The following RASSF5 variants were observed in gnomAD, a reference collection of about 807,000 sequenced individuals.
RASSF5 encodes Ras association domain family member 5.
In RASSF5, 25 loss-of-function variants were observed where a neutral mutation model predicts 40.5. The ratio of observed to expected loss-of-function variants is 0.62; its 90% CI spans 0.45 to 0.86. The LOEUF is 0.86. Among genes scored for constraint, RASSF5 ranks in the 40% least tolerant of loss-of-function variants. The probability of loss-of-function intolerance (pLI) is 0.00; values close to 1 mark genes in which losing one functional copy is unlikely to be tolerated. For missense variants in RASSF5, 521 were observed against 572.8 expected (o/e 0.91, Z 0.92); for synonymous variants, 246 against 252.4 (o/e 0.97, Z 0.24).
intron 1 of RASSF5, among the ~76,000 whole-genome samples, chr1:206,523,447 TATATA>T (rs1331405727): frequency 8.6e-6 from 1 of 116,842 alleles, no homozygotes; most frequent in African/African-American, 3.3e-5. Flanking sequence ...TTATATATAA[TATATA>T]ATATATTAAA....
intron 2 of RASSF5, among the ~76,000 whole-genome samples, chr1:206,555,266 G>C (rs1267283692): frequency 1.3e-5 from 2 of 152,140 alleles, no homozygotes; most frequent in South Asian, 4.1e-4. Context: ...CCTTGGCTTG[G>C]TGTTTGAATA....
chr1:206,570,945 G>A (rs1558517197), intron 2 of RASSF5, among the ~76,000 whole-genome samples: 1 of 152,116 alleles, frequency 6.6e-6, no homozygotes, highest in Non-Finnish European at 1.5e-5. Flanking sequence ...TCTTCTGGGT[G>A]TATACCCAGA....
rs1173318254 is a variant in RASSF5, at chr1:206,589,186, G to C, written c.*2208G>C. On this transcript the variant is annotated 3_prime_UTR_variant, in exon 6 of 6. Coordinates refer to ENST00000579436, the MANE Select transcript of RASSF5 (RefSeq NM_182663.4). ...CTTCTTTGGTTGTGTTGCTCAGTGT[G>C]TAAGTGTTTGTTTCCAGGATATTTT... The C allele has an allele frequency of 1.3e-5, 2 of 152,678 alleles. No homozygotes were observed. Among genetic ancestry groups the C allele is most frequent in the Non-Finnish European group, 2.9e-5 (2 of 68,016 alleles). 9.5% of individuals were successfully genotyped at this position (152,678 alleles called of 1,614,324 possible).
intron 2 of RASSF5, chr1:206,542,139 C>G (rs1553399445): frequency 6.6e-6 from 1 of 152,354 alleles, no homozygotes; most frequent in Admixed American, 6.5e-5. Context: ...AGAGTCCTAC[C>G]CCTTCCTCCT....
chr1:206,572,390 C>A (rs1668481366), intron 2 of RASSF5, among the ~76,000 whole-genome samples: 1 of 152,156 alleles, frequency 6.6e-6, no homozygotes, highest in South Asian at 2.1e-4. Flanking sequence ...AGAAAAACCT[C>A]CAGAATTGAG....
chr1:206,528,815 ATCACTTGAGGCCAGGAGT>A (rs1667161852), intron 1 of RASSF5: 2 of 380,540 alleles, frequency 5.3e-6, no homozygotes, highest in Non-Finnish European at 9.2e-6. Flanking sequence ...AGGCAGGGAG[ATCACTTGAGGCCAGGAGT>A]TTGAGACCAG....
chr1:206,571,910 GC>G (rs1202848085), intron 2 of RASSF5, among the ~76,000 whole-genome samples: 2 of 152,186 alleles, frequency 1.3e-5, no homozygotes, highest in Non-Finnish European at 2.9e-5. Flanking sequence ...AATTCCTGTG[GC>G]CATCTCAGAA....
At chr1:206,557,764 A>G (rs1668031409) in intron 2 of RASSF5, 1 of 1,540,278 alleles carries the variant, frequency 6.5e-7, no homozygotes, top group East Asian at 2.3e-5. Context: ...CTAGAAGGGA[A>G]ACCTTGCTCC....
intron 1 of RASSF5, among the ~76,000 whole-genome samples, chr1:206,530,502 T>A (rs1667210983): frequency 6.6e-6 from 1 of 152,228 alleles, no homozygotes; most frequent in Non-Finnish European, 1.5e-5. Context: ...AGTAAATACA[T>A]ACCCAGAATA....
Position 206,583,287 on chromosome 1 carries a change from G to A in RASSF5, c.598G>A (p.Glu200Lys). ...CTTCCAGAATGTCTGTAAACCTGTG[G>A]AGGAGACACAGCGCCCGCCCACACT... is the stretch of plus-strand genomic sequence containing the variant. Reference protein sequence around the residue: ...TFSQNVCKPVEETQRPPTLQE... With the variant: ...TFSQNVCKPVKETQRPPTLQE... Residue 200 changes from glutamate (E) to lysine (K), a missense_variant, in exon 3 of 6, where the codon GAG becomes AAG. Physicochemically the swap from Glu to Lys is moderately conservative, Grantham distance 56. Coordinates refer to ENST00000579436, the MANE Select transcript of RASSF5 (RefSeq NM_182663.4). 1 of 1,613,218 alleles carries A rather than the reference G, an allele frequency of 6.2e-7. No individual in the cohort carries two copies. Among genetic ancestry groups the A allele is most frequent in the South Asian group, 1.1e-5 (1 of 91,068 alleles).
intron 2 of RASSF5, 117 bp from the exon 3 acceptor site, chr1:206,583,152 C>A: frequency 1.4e-6 from 1 of 696,828 alleles, no homozygotes; most frequent in South Asian, 1.5e-5. Context: ...GTTAGTTCCA[C>A]TCTGCAGGGC....
At position 206,507,912 on chromosome 1, in the gene RASSF5, C is replaced by G. The variant is rs1553394070; in HGVS notation, c.310C>G (p.Arg104Gly). ...TGGAGCGCCCCGACCCCGCGACGTGCGGAGCATCTTCGAGCAGCCGCAGGA... is the reference window on the plus strand; with the variant it reads ...TGGAGCGCCCCGACCCCGCGACGTGGGGAGCATCTTCGAGCAGCCGCAGGA... ...RPGAPRPRDV[R>G]SIFEQPQDPR... Residue 104 changes from arginine to glycine, a missense_variant, in exon 1 of 6, where the codon CGG becomes GGG. Transcript: ENST00000579436. 2.0e-6 allele frequency: 3 copies of G among 1,512,110 alleles called. No homozygotes were observed. In the Admixed American group the frequency reaches 6.2e-5, roughly 31 times the overall value. The allele number at this position is 1,512,110 out of a possible 1,614,324, so 93.7% of individuals were successfully genotyped here.
intron 1 of RASSF5, among the ~76,000 whole-genome samples, chr1:206,520,111 A>G (rs1666867182): frequency 6.6e-6 from 1 of 152,194 alleles, no homozygotes; most frequent in Non-Finnish European, 1.5e-5. Context: ...GGGCAGCATT[A>G]AGGTCAGGGC....
chr1:206,540,666 C>G (rs1364664949), intron 2 of RASSF5, among the ~76,000 whole-genome samples: 1 of 152,246 alleles, frequency 6.6e-6, no homozygotes, highest in Non-Finnish European at 1.5e-5. Context: ...CTTGCCTCTT[C>G]TAAAAAGCCT....
chr1:206,511,394 C>G (rs1267957506), intron 1 of RASSF5, among the ~76,000 whole-genome samples: 1 of 152,182 alleles, frequency 6.6e-6, no homozygotes, highest in Non-Finnish European at 1.5e-5. Flanking sequence ...GTAGAAGGCG[C>G]ATGGAGGTGG....
intron 3 of RASSF5, chr1:206,583,804 T>C (rs752115050): frequency 2.8e-4 from 53 of 191,102 alleles, no homozygotes; most frequent in Non-Finnish European, 3.2e-4. Flanking sequence ...TAGCACCCAG[T>C]TGGGAAAGGC....
chr1:206,574,968 T>G (rs574770590), intron 2 of RASSF5, among the ~76,000 whole-genome samples: 12 of 151,708 alleles, frequency 7.9e-5, no homozygotes, highest in Admixed American at 2.0e-4. Flanking sequence ...CAAGCGATTC[T>G]TCCGCCTTAG....
chr1:206,585,305 G>A lies in RASSF5; in HGVS notation c.1104+10G>A. On this transcript the variant is annotated intron_variant, in intron 5 of 5. Transcript: ENST00000579436. ...AACTGGAGAGGTAGAGGTAGGTCTG[G>A]ACCCATTGTGCAAACCCAGGCCTTA... The A allele has an allele frequency of 6.2e-7, 1 of 1,608,532 alleles. No homozygotes were observed. The highest frequency in any genetic ancestry group is 8.5e-7 in the Non-Finnish European group (1 of 1,174,928).
At chr1:206,528,392 G>T (rs565909097) in intron 1 of RASSF5, among the ~76,000 whole-genome samples, 25 of 152,312 alleles carry the variant, frequency 1.6e-4, no homozygotes, top group Non-Finnish European at 3.4e-4. Context: ...ATCAGGGGTT[G>T]CCAGGGTTAG....
Sources: gnomAD v4.1 joint callset for allele counts (sites outside exome capture counted in the v4.1 genomes callset) on GRCh38, gnomAD v4.1.1 for gene constraint, MANE v1.5 for transcripts, NCBI Gene and HGNC (gene_info 2026-07-23, HGNC 2026-07-21) for gene names.